Variants in ZNF423 observed in about 807,000 individuals in gnomAD.
The protein encoded by ZNF423 is zinc finger protein 423.
ZNF423 carries 12 observed loss-of-function variants against 95.8 expected under a neutral mutation model. The observed-to-expected ratio is 0.13, with a 90% CI of 0.08 to 0.20. ZNF423 has a LOEUF of 0.20. Among genes scored for constraint, ZNF423 ranks in the 10% least tolerant of loss-of-function variants. ZNF423 has a pLI of 1.00. For missense variants in ZNF423, 1,316 were observed against 1,737.1 expected, an observed-to-expected ratio of 0.76 and a Z score of 4.31; for synonymous variants, 749 against 711.9, an observed-to-expected ratio of 1.05 and a Z score of -0.83.
At chr16:49,688,669 A>C (rs938074761) in intron 3 of ZNF423, among the ~76,000 whole-genome samples, 1 of 152,282 alleles carries the variant, frequency 6.6e-6, no homozygotes, top group African/African-American at 2.4e-5. Flanking sequence ...TACAGCACTC[A>C]TGCTCTTAAA....
Position 49,789,471 on chromosome 16 carries a change from GC to G in ZNF423, c.100+15del. ...AGGACCCCCTGCAACTCTTCCACCAGCCCCCGGGCATTTACCTGCTGCTGTC... is the reference window on the plus strand; with the variant it reads ...AGGACCCCCTGCAACTCTTCCACCAGCCCCGGGCATTTACCTGCTGCTGTC... On this transcript the variant is annotated intron_variant, in intron 2 of 7. Transcript: ENST00000563137. 1.2e-6 allele frequency: 2 copies of G among 1,610,754 alleles called. No individual in the cohort carries two copies. The highest frequency in any genetic ancestry group is 1.1e-5 in the South Asian group (1 of 90,620).
intron 4 of ZNF423, among the ~76,000 whole-genome samples, chr16:49,630,056 G>C (rs1322814772): frequency 6.6e-6 from 1 of 152,194 alleles, no homozygotes; most frequent in African/African-American, 2.4e-5. Context: ...GGGATTCGCT[G>C]TGTCCTGAGT....
rs189940756 is a variant in ZNF423 at position 49,605,862 on chromosome 16, T to C, written c.3601+20308A>G. ...GTGAAACAAGGAGCAGATGTGCTAA[T>C]GACAAAACTTTCCAAACTGAAAACA... On this transcript the variant is annotated intron_variant, in intron 5 of 7. Coordinates refer to ENST00000563137, the MANE Select transcript of ZNF423 (RefSeq NM_001379286.1). Among the ~76,000 whole-genome samples the C allele has an allele frequency of 1.4e-3, 219 of 152,270 alleles. 3 individuals carry two copies. The highest frequency in any genetic ancestry group is 0.012 in the Admixed American group (187 of 15,300).
At chr16:49,503,895 C>T (rs531136245) in intron 7 of ZNF423, among the ~76,000 whole-genome samples, 3 of 152,126 alleles carry the variant, frequency 2.0e-5, no homozygotes, top group Non-Finnish European at 4.4e-5. Flanking sequence ...AATACAGTTG[C>T]CCCGCTCCAC....
At chr16:49,652,657 G>A (rs530113419) in intron 3 of ZNF423, among the ~76,000 whole-genome samples, 13 of 152,226 alleles carry the variant, frequency 8.5e-5, no homozygotes, top group South Asian at 2.1e-4. Flanking sequence ...AGCAAAGGGC[G>A]CTCTGCTCCA....
chr16:49,552,282 C>T (rs975033185), intron 5 of ZNF423, among the ~76,000 whole-genome samples: 2 of 152,244 alleles, frequency 1.3e-5, no homozygotes, highest in Non-Finnish European at 2.9e-5. Context: ...TGGGCAAGCT[C>T]CTGCCCCTTT....
chr16:49,722,009 A>G (rs1288644845), intron 3 of ZNF423, among the ~76,000 whole-genome samples: 1 of 152,184 alleles, frequency 6.6e-6, no homozygotes, highest in African/African-American at 2.4e-5. Context: ...CAACCTGCGG[A>G]CTTCGCAGGC....
chr16:49,537,092 C>T (rs917716958), intron 5 of ZNF423, among the ~76,000 whole-genome samples: 7 of 152,256 alleles, frequency 4.6e-5, no homozygotes, highest in African/African-American at 1.4e-4. Context: ...ACTTCTCCAA[C>T]GTTCAACATA....
chr16:49,509,222 C>T (rs1967781614), intron 7 of ZNF423, among the ~76,000 whole-genome samples: 1 of 152,180 alleles, frequency 6.6e-6, no homozygotes, highest in Non-Finnish European at 1.5e-5. Flanking sequence ...CTACCTCCTT[C>T]CCTCTCACTG....
intron 7 of ZNF423, among the ~76,000 whole-genome samples, chr16:49,518,831 G>A (rs1447620400): frequency 6.6e-6 from 1 of 152,240 alleles, no homozygotes; most frequent in Non-Finnish European, 1.5e-5. Context: ...AAGGCGGGAG[G>A]ATTGCTTGAG....
chr16:49,858,720 C>A (rs894487806), upstream of ZNF423, among the ~76,000 whole-genome samples: 8 of 121,322 alleles, frequency 6.6e-5, 1 homozygote, highest in African/African-American at 2.4e-4. The surrounding 1 kb of genome is among the most constrained non-coding windows in gnomAD (Gnocchi z 4.3). Context: ...AATAGGAGCC[C>A]CCCCCCCCAC....
intron 3 of ZNF423, among the ~76,000 whole-genome samples, chr16:49,666,248 A>G (rs1417972784): frequency 1.3e-5 from 2 of 152,328 alleles, no homozygotes; most frequent in East Asian, 3.9e-4. Flanking sequence ...TTTAACCCGC[A>G]GAGGAGGTAA....
intron 5 of ZNF423, among the ~76,000 whole-genome samples, chr16:49,555,776 A>T (rs1325586815): frequency 6.6e-6 from 1 of 152,150 alleles, no homozygotes; most frequent in Non-Finnish European, 1.5e-5. Context: ...GGATGGAGGG[A>T]TGGTGCATGG....
intron 3 of ZNF423, among the ~76,000 whole-genome samples, chr16:49,699,854 A>G (rs1168550474): frequency 6.6e-6 from 1 of 152,088 alleles, no homozygotes; most frequent in Non-Finnish European, 1.5e-5. Flanking sequence ...TCTTCCACCC[A>G]CTGACCCTGA....
intron 1 of ZNF423, among the ~76,000 whole-genome samples, chr16:49,845,634 G>A (rs920372646): frequency 5.3e-5 from 8 of 151,954 alleles, no homozygotes; most frequent in Admixed American, 2.0e-4. Flanking sequence ...TCAACCTTCC[G>A]GGCTCAGGTG....
chr16:49,518,421 C>T (rs1968243978), intron 7 of ZNF423: 1 of 437,842 alleles, frequency 2.3e-6, no homozygotes, highest in African/African-American at 2.0e-5. Context: ...TTCACTTTTT[C>T]TGTACACAGA....
chr16:49,829,592 C>T (rs1050317205), intron 1 of ZNF423, among the ~76,000 whole-genome samples: 3 of 152,178 alleles, frequency 2.0e-5, no homozygotes, highest in African/African-American at 7.2e-5. Flanking sequence ...GCCAGGAAGG[C>T]GGCTGAACTG....
At chr16:49,846,126 A>T (rs1452308265) in intron 1 of ZNF423, among the ~76,000 whole-genome samples, 1 of 151,760 alleles carries the variant, frequency 6.6e-6, no homozygotes, top group East Asian at 1.9e-4. Flanking sequence ...ACATGGTGAA[A>T]CTCCATCTCT....
At chr16:49,696,359 T>C (rs2031970518) in intron 3 of ZNF423, among the ~76,000 whole-genome samples, 1 of 152,210 alleles carries the variant, frequency 6.6e-6, no homozygotes, top group Admixed American at 6.5e-5. Context: ...TAGAAGGCTC[T>C]GATTTAAGTA....
Sources: allele counts gnomAD v4.1 joint callset (sites outside exome capture counted in the v4.1 genomes callset), GRCh38; gene constraint gnomAD v4.1.1; non-coding constraint Gnocchi (gnomAD v3.1); transcripts MANE v1.5; gene names NCBI Gene and HGNC (gene_info 2026-07-23, HGNC 2026-07-21).